Variants in RAD51B observed in about 807,000 individuals in gnomAD.
RAD51B encodes the protein DNA repair protein RAD51 homolog 2.
RAD51B carries 38 observed loss-of-function variants against 42.2 expected under a neutral mutation model. The observed-to-expected ratio is 0.90, with a 90% confidence interval of 0.70 to 1.18. RAD51B has a LOEUF of 1.18. RAD51B is among the 50% of genes most tolerant of loss of function. The probability of loss-of-function intolerance (pLI) is 0.00; values close to 1 mark genes in which losing one functional copy is unlikely to be tolerated. For missense variants in RAD51B, 373 were observed against 400.7 expected (o/e 0.93, Z 0.59); for synonymous variants, 154 against 145.2 (o/e 1.06, Z -0.43).
intron 7 of RAD51B, among the ~76,000 whole-genome samples, chr14:67,951,553 T>A (rs1412954386): frequency 6.6e-6 from 1 of 152,196 alleles, no homozygotes; most frequent in Non-Finnish European, 1.5e-5. Context: ...GTTTTTAAGT[T>A]ACAAAGTTGG....
intron 8 of RAD51B, among the ~76,000 whole-genome samples, chr14:68,302,827 G>A (rs2081773981): frequency 1.3e-5 from 2 of 152,212 alleles, no homozygotes; most frequent in South Asian, 4.1e-4. Flanking sequence ...TATTGTTTGT[G>A]GCTTAAGAAT....
At chr14:68,361,800 C>T (rs967695120) in intron 8 of RAD51B, among the ~76,000 whole-genome samples, 6 of 152,108 alleles carry the variant, frequency 3.9e-5, no homozygotes, top group African/African-American at 1.2e-4. Context: ...CTCAGCCTCC[C>T]GAGTAGCTGG....
At chr14:68,218,903 T>C (rs1316819058) in intron 7 of RAD51B, among the ~76,000 whole-genome samples, 1 of 152,156 alleles carries the variant, frequency 6.6e-6, no homozygotes, top group Non-Finnish European at 1.5e-5. Flanking sequence ...AAAAATGTGG[T>C]CATGGACAGT....
At chr14:68,352,596 G>A (rs892265064) in intron 8 of RAD51B, among the ~76,000 whole-genome samples, 5 of 152,214 alleles carry the variant, frequency 3.3e-5, no homozygotes, top group African/African-American at 1.2e-4. Flanking sequence ...AGGACCTTGA[G>A]GTGTTACAAA....
At chr14:67,991,857 G>C (rs2075301560) in intron 7 of RAD51B, among the ~76,000 whole-genome samples, 1 of 152,024 alleles carries the variant, frequency 6.6e-6, no homozygotes, top group South Asian at 2.1e-4. Flanking sequence ...CAGGATGATA[G>C]GCTTAACCAG....
At chr14:68,159,678 T>C in intron 7 of RAD51B, among the ~76,000 whole-genome samples, 1 of 151,346 alleles carries the variant, frequency 6.6e-6, no homozygotes, top group East Asian at 2.2e-4. Context: ...CATTTTAGTT[T>C]TTCATACTCA....
intron 10 of RAD51B, among the ~76,000 whole-genome samples, chr14:68,522,212 A>T (rs975369862): frequency 3.0e-4 from 46 of 152,162 alleles, no homozygotes. Context: ...CTCTTACTAG[A>T]CCTGGCTCAG....
intron 7 of RAD51B, among the ~76,000 whole-genome samples, chr14:67,979,494 A>G (rs1332126058): frequency 6.6e-6 from 1 of 152,076 alleles, no homozygotes; most frequent in Admixed American, 6.6e-5. Flanking sequence ...CTCCCTTTTA[A>G]CACTGCGCTA....
rs564237628 is a variant in RAD51B at position 68,366,089 on chromosome 14, A to G, written c.854-45335A>G. Among the ~76,000 whole-genome samples, 475 of 152,314 alleles carry G rather than the reference A, an allele frequency of 3.1e-3. 2 individuals are homozygous for G. Among genetic ancestry groups the G allele is most frequent in the African/African-American group, 0.011 (449 of 41,552 alleles). The stretch of plus-strand genomic sequence containing the variant: ...ATTCTTGACTTTAATAAACATTCCT[A>G]AGATTAATTCTTCCCTTAACAACTT... On this transcript the variant is annotated intron_variant, in intron 8 of 10. Transcript: ENST00000471583.
chr14:67,985,341 A>G (rs11850191), intron 7 of RAD51B, among the ~76,000 whole-genome samples: 41,526 of 152,098 alleles, frequency 0.27, 7,362 homozygotes, highest in African/African-American at 0.5. Context: ...AAGACATTCC[A>G]TTATAAGATG....
chr14:68,611,100 G>A, exon 11 of RAD51B: 1 of 703,128 alleles, frequency 1.4e-6, no homozygotes, highest in Non-Finnish European at 2.6e-6. Flanking sequence ...CTGATGTGGT[G>A]CTCAGAAAAA....
intron 9 of RAD51B, among the ~76,000 whole-genome samples, chr14:68,467,355 T>C (rs1255843314): frequency 6.6e-6 from 1 of 152,228 alleles, no homozygotes; most frequent in Non-Finnish European, 1.5e-5. Context: ...GCTTCATGAC[T>C]CCACTACCAA....
At chr14:68,611,422 C>G in exon 11 of RAD51B, 1 of 604,206 alleles carries the variant, frequency 1.7e-6, no homozygotes. Flanking sequence ...CTTCCTCCCA[C>G]TCCTACAACC....
At chr14:68,049,000 C>T (rs960659575) in intron 7 of RAD51B, among the ~76,000 whole-genome samples, 6 of 152,180 alleles carry the variant, frequency 3.9e-5, no homozygotes, top group African/African-American at 1.4e-4. Flanking sequence ...AAATGTGGCA[C>T]ATTTACATCA....
At position 67,922,406 on chromosome 14, in the gene RAD51B, A is replaced by G. The variant is rs145249418; in HGVS notation, c.756+35202A>G. Among the ~76,000 whole-genome samples, 351 of 152,298 alleles carry G rather than the reference A, an allele frequency of 2.3e-3. 1 individual carries two copies. The highest frequency in any genetic ancestry group is 8.2e-3 in the African/African-American group (340 of 41,554). On this transcript the variant is annotated intron_variant, in intron 7 of 10. Transcript: ENST00000471583. ...ACATCTTGTTAGATTATGAATAGGT[A>G]AGTTTAGGAAATATTATTGCAGGTA...
At chr14:68,209,527 C>A (rs2079658736) in intron 7 of RAD51B, among the ~76,000 whole-genome samples, 1 of 152,110 alleles carries the variant, frequency 6.6e-6, no homozygotes. Flanking sequence ...TTAAAATTTT[C>A]TTTGTTGCCT....
intron 7 of RAD51B, among the ~76,000 whole-genome samples, chr14:67,994,058 CTG>C (rs1566563589): frequency 6.6e-6 from 1 of 151,846 alleles, no homozygotes; most frequent in East Asian, 1.9e-4. Context: ...TGCTTTGAAA[CTG>C]AATGCTGAGG....
downstream of RAD51B, among the ~76,000 whole-genome samples, chr14:68,598,990 G>A (rs922407558): frequency 9.2e-5 from 14 of 152,210 alleles, no homozygotes; most frequent in African/African-American, 3.1e-4. Flanking sequence ...CAGCAGGGCA[G>A]AGGAAGCTGC....
intron 11 of RAD51B, among the ~76,000 whole-genome samples, chr14:68,655,194 G>A (rs908163414): frequency 7.9e-5 from 12 of 151,966 alleles, no homozygotes; most frequent in African/African-American, 2.2e-4. Context: ...TCAGGAGCCC[G>A]GTGCTGATGG....
Sources: allele counts gnomAD v4.1 joint callset (sites outside exome capture counted in the v4.1 genomes callset), GRCh38; gene constraint gnomAD v4.1.1; transcripts MANE v1.5; gene names NCBI Gene and HGNC (gene_info 2026-07-23, HGNC 2026-07-21).